Variants in CASK observed in about 807,000 individuals in gnomAD.
The protein encoded by CASK is peripheral plasma membrane protein CASK.
A neutral mutation model predicts 82.9 loss-of-function variants in CASK; 4 were observed. The observed-to-expected ratio is 0.05, with a 90% CI of 0.02 to 0.11. The LOEUF is 0.11. Among genes scored for constraint, CASK ranks in the 10% least tolerant of loss-of-function variants. The pLI is 1.00. For missense variants in CASK, 358 were observed against 720.9 expected (o/e 0.50, Z 5.76); for synonymous variants, 259 against 253.5 (o/e 1.02, Z -0.20).
At chrX:41,729,097 T>G (rs1006982932) in intron 5 of CASK, 2 of 123,486 alleles carry the variant, frequency 1.6e-5, no homozygotes, top group Non-Finnish European at 3.8e-5. Flanking sequence ...TTTTGTGAAA[T>G]AAATGAATGA....
At position 41,555,593 on chromosome X, in the gene CASK, T is replaced by C; in HGVS notation, c.1842+7A>G. The C allele has an allele frequency of 8.4e-7, 1 of 1,189,438 alleles. No individual in the cohort carries two copies. The highest frequency in any genetic ancestry group is 1.7e-5 in the African/African-American group (1 of 57,431). On this transcript the variant is annotated splice_region_variant and intron_variant, in intron 20 of 26. Transcript: ENST00000378163. The stretch of plus-strand genomic sequence containing the variant: ...TAGAGAAGTTTCTATAGAGGATATC[T>C]ATTCACCTGTCGTCCTTTTGGTTGG...
At chrX:41,642,488 G>A (rs745350366) in intron 8 of CASK, among the ~76,000 whole-genome samples, 120 of 112,286 alleles carry the variant, frequency 1.1e-3, no homozygotes, top group African/African-American at 3.8e-3. Flanking sequence ...GCATTTCTCT[G>A]ATGGCCAGTG....
rs752213996 is a variant in CASK at position 41,609,837 on chromosome X, A to G, written c.1155+67T>C. ...CTCCCAAAGTGCTTGGACTACAGGC[A>G]TGAGCCACCGTGCCCGGCCAATATT... is the stretch of plus-strand genomic sequence containing the variant. On this transcript the variant is annotated intron_variant, in intron 12 of 26. Transcript: ENST00000378163. 93 of 1,152,448 alleles carry G rather than the reference A, an allele frequency of 8.1e-5. No homozygotes were observed. In the African/African-American group the frequency reaches 1.3e-3, roughly 16 times the overall value. 95.0% of individuals were successfully genotyped at this position (1,152,448 alleles called of 1,213,427 possible). A position where few individuals can be genotyped will look rare whatever the true frequency, so the allele number is the denominator to read the frequency against.
chrX:41,889,094 C>A (rs1267334852), intron 1 of CASK, among the ~76,000 whole-genome samples: 1 of 108,798 alleles, frequency 9.2e-6, no homozygotes, highest in Non-Finnish European at 1.9e-5. Flanking sequence ...AACCTCTATT[C>A]CAATTGTTGA....
At chrX:41,690,232 AT>A (rs2067518353) in intron 5 of CASK, among the ~76,000 whole-genome samples, 1 of 111,638 alleles carries the variant, frequency 9.0e-6, no homozygotes, top group South Asian at 3.8e-4. Context: ...AGTTTAAAAA[AT>A]ATCAGTAAAT....
At chrX:41,829,384 GT>G (rs2147921634) in intron 2 of CASK, among the ~76,000 whole-genome samples, 1 of 109,194 alleles carries the variant, frequency 9.2e-6, no homozygotes, top group East Asian at 3.0e-4. Context: ...AGAGTTGGTA[GT>G]TTTTTAAGCC....
At chrX:41,612,645 G>A (rs1470786457) in intron 11 of CASK, among the ~76,000 whole-genome samples, 1 of 92,485 alleles carries the variant, frequency 1.1e-5, no homozygotes, top group African/African-American at 4.1e-5. Context: ...CCCCGTCCGG[G>A]AGGGAGGTGG....
At chrX:41,907,605 A>G (rs1195416262) in intron 1 of CASK, among the ~76,000 whole-genome samples, 4 of 111,709 alleles carry the variant, frequency 3.6e-5, no homozygotes, top group Non-Finnish European at 7.5e-5. Context: ...ACATTCTAAG[A>G]TTGCCCGAAA....
At chrX:41,854,221 C>CGCGCGCGCGG (rs2071326071) in intron 1 of CASK, among the ~76,000 whole-genome samples, 4 of 74,528 alleles carry the variant, frequency 5.4e-5, no homozygotes, top group East Asian at 3.9e-4. Flanking sequence ...CGCGCGGGCG[C>CGCGCGCGCGG]GCGCACACAC....
rs918875704 is a variant in CASK at position 41,854,238 on chromosome X, A to G, written c.60-1011T>C. Among the ~76,000 whole-genome samples the G allele has an allele frequency of 6.5e-5, 7 of 107,590 alleles. No homozygotes were observed. The South Asian group carries it at 1.3e-3, about 19-fold the overall frequency. 93.4% of individuals were successfully genotyped at this position (107,590 alleles called of 115,157 possible). A position where few individuals can be genotyped will look rare whatever the true frequency, so the allele number is the denominator to read the frequency against. On this transcript the variant is annotated intron_variant, in intron 1 of 26. Coordinates refer to ENST00000378163, the MANE Select transcript of CASK (RefSeq NM_001367721.1). ...CGCGGGCGCGCGCACACACACACAC[A>G]CACACACACACACACACACACACAC...
At chrX:41,905,273 T>C (rs767338141) in intron 1 of CASK, among the ~76,000 whole-genome samples, 1 of 112,370 alleles carries the variant, frequency 8.9e-6, no homozygotes, top group Admixed American at 9.4e-5. Context: ...ATTGTTGGGC[T>C]GTATGGAAAC....
intron 6 of CASK, among the ~76,000 whole-genome samples, chrX:41,671,190 G>A (rs1193590649): frequency 8.9e-6 from 1 of 112,183 alleles, no homozygotes; most frequent in Non-Finnish European, 1.9e-5. Context: ...ATCTTGTACA[G>A]TCTCTTAAGT....
intron 11 of CASK, among the ~76,000 whole-genome samples, chrX:41,610,943 A>G (rs1041823125): frequency 8.9e-5 from 10 of 112,455 alleles, no homozygotes; most frequent in African/African-American, 3.2e-4. Flanking sequence ...CACAGTAGAG[A>G]AACTCTAAGA....
At chrX:41,758,675 T>C (rs1170658992) in intron 3 of CASK, among the ~76,000 whole-genome samples, 5 of 111,366 alleles carry the variant, frequency 4.5e-5, no homozygotes, top group Non-Finnish European at 3.8e-5. Context: ...GTGCTATAAA[T>C]GGAGCTAAGG....
At chrX:41,580,800 C>T (rs5964016) in intron 14 of CASK, among the ~76,000 whole-genome samples, 2,740 of 111,941 alleles carry the variant, frequency 0.024, 90 homozygotes, top group African/African-American at 0.084. Context: ...TATGTTAAGA[C>T]GTATGAGTGA....
Position 41,794,811 on chromosome X carries a change from G to A in CASK, c.173-7528C>T, listed in dbSNP as rs763485165. Among the ~76,000 whole-genome samples, 10 of 112,439 alleles carry A rather than the reference G, an allele frequency of 8.9e-5. No individual in the cohort carries two copies. The East Asian group carries it at 2.8e-3, about 31-fold the overall frequency. ...AACTAATATGTCAAAGAAAAAAAAT[G>A]TTCTTCACATACCTGTGCTTTATAC... On this transcript the variant is annotated intron_variant, in intron 2 of 26. Transcript: ENST00000378163.
chrX:41,559,475 T>C (rs2065198026), intron 18 of CASK: 1 of 287,831 alleles, frequency 3.5e-6, no homozygotes, highest in Admixed American at 5.1e-5. Flanking sequence ...TGGCCTTTAG[T>C]TTTTTTCCCT....
intron 1 of CASK, among the ~76,000 whole-genome samples, chrX:41,901,489 A>G (rs1207060567): frequency 2.0e-5 from 2 of 100,493 alleles, no homozygotes; most frequent in Non-Finnish European, 2.0e-5. Flanking sequence ...CCTGTCTCAG[A>G]AAAAAAAAAA....
intron 16 of CASK, among the ~76,000 whole-genome samples, chrX:41,568,848 G>A (rs1275130190): frequency 4.5e-5 from 5 of 111,332 alleles, no homozygotes; most frequent in African/African-American, 1.6e-4. Flanking sequence ...AATATCAAAA[G>A]TTAGCCAGGC....
Sources: gnomAD v4.1 joint callset for allele counts (sites outside exome capture counted in the v4.1 genomes callset) on GRCh38, gnomAD v4.1.1 for gene constraint, MANE v1.5 for transcripts, NCBI Gene and HGNC (gene_info 2026-07-23, HGNC 2026-07-21) for gene names.